Variants in GALNT17 observed in about 807,000 individuals in gnomAD.
The protein encoded by GALNT17 is polypeptide N-acetylgalactosaminyltransferase 17, also known as UDP-GalNAc:polypeptide N-acetylgalactosaminyltransferase-like 3.
A neutral mutation model predicts 63.7 loss-of-function variants in GALNT17; 29 were observed. The ratio of observed to expected loss-of-function variants is 0.46; its 90% CI spans 0.34 to 0.62. The LOEUF (loss-of-function observed/expected upper bound fraction) is 0.62, where lower values mean the gene tolerates loss of function less well. GALNT17 is among the 20% of genes least tolerant of loss of function. GALNT17 has a pLI of 0.01. For missense variants in GALNT17, 603 were observed against 799.6 expected (o/e 0.75, Z 2.97); for synonymous variants, 305 against 318.3 (o/e 0.96, Z 0.45).
intron 6 of GALNT17, among the ~76,000 whole-genome samples, chr7:71,661,913 C>T (rs1462817698): frequency 6.6e-6 from 1 of 152,208 alleles, no homozygotes. Context: ...TGCCACCTGT[C>T]TGTTACACCA....
intron 2 of GALNT17, among the ~76,000 whole-genome samples, chr7:71,356,616 A>G (rs113582225): frequency 2.2e-4 from 33 of 152,282 alleles, no homozygotes; most frequent in African/African-American, 7.0e-4. Context: ...GAGAACTCAC[A>G]GAGTAGAGAA....
At chr7:71,417,857 A>G (rs886413924) in intron 4 of GALNT17, among the ~76,000 whole-genome samples, 1 of 152,066 alleles carries the variant, frequency 6.6e-6, no homozygotes, top group Non-Finnish European at 1.5e-5. Flanking sequence ...CATGTTACTC[A>G]TCCTGTCAAC....
intron 1 of GALNT17, among the ~76,000 whole-genome samples, chr7:71,318,560 C>T (rs751409987): frequency 6.6e-6 from 1 of 152,016 alleles, no homozygotes; most frequent in African/African-American, 2.4e-5. Flanking sequence ...GCTGGGACTA[C>T]AGGCATGCAC....
At chr7:71,635,882 T>C (rs1790522877) in intron 6 of GALNT17, among the ~76,000 whole-genome samples, 1 of 152,124 alleles carries the variant, frequency 6.6e-6, no homozygotes, top group Non-Finnish European at 1.5e-5. Context: ...CGACCAGAGG[T>C]CACTCTCGTC....
intron 5 of GALNT17, among the ~76,000 whole-genome samples, chr7:71,521,571 G>C (rs1194990744): frequency 3.9e-5 from 6 of 152,234 alleles, no homozygotes; most frequent in Non-Finnish European, 8.8e-5. Flanking sequence ...GGACTGCAGT[G>C]AAATCAGATC....
At chr7:71,643,997 T>C (rs1199424380) in intron 6 of GALNT17, among the ~76,000 whole-genome samples, 1 of 152,168 alleles carries the variant, frequency 6.6e-6, no homozygotes, top group Non-Finnish European at 1.5e-5. Flanking sequence ...GAAAAATGAA[T>C]TGTTTTCTGG....
At chr7:71,429,209 G>A (rs1289573101) in intron 5 of GALNT17, among the ~76,000 whole-genome samples, 1 of 152,146 alleles carries the variant, frequency 6.6e-6, no homozygotes, top group Non-Finnish European at 1.5e-5. Context: ...AGGGAGAAGG[G>A]GAAAGTCTGA....
At chr7:71,487,426 C>A (rs1335656215) in intron 5 of GALNT17, among the ~76,000 whole-genome samples, 3 of 152,054 alleles carry the variant, frequency 2.0e-5, no homozygotes, top group African/African-American at 7.2e-5. Flanking sequence ...GAGACAGGCA[C>A]CAAAAAGTCC....
At chr7:71,599,724 C>G (rs906816381) in intron 6 of GALNT17, among the ~76,000 whole-genome samples, 4 of 151,840 alleles carry the variant, frequency 2.6e-5, no homozygotes, top group Non-Finnish European at 5.9e-5. Context: ...GATACCCCCC[C>G]CACCCCACCT....
At chr7:71,435,286 C>T (rs541950223) in intron 5 of GALNT17, among the ~76,000 whole-genome samples, 2 of 152,310 alleles carry the variant, frequency 1.3e-5, no homozygotes, top group East Asian at 3.9e-4. Context: ...AACCTTTAAC[C>T]TGTCCTTGTT....
At chr7:71,691,284 G>A (rs902751334) in intron 9 of GALNT17, among the ~76,000 whole-genome samples, 2 of 152,140 alleles carry the variant, frequency 1.3e-5, no homozygotes, top group African/African-American at 4.8e-5. Context: ...ATGATCACTA[G>A]TATTTTTAGC....
At chr7:71,439,736 T>C (rs1216811156) in intron 5 of GALNT17, among the ~76,000 whole-genome samples, 1 of 152,220 alleles carries the variant, frequency 6.6e-6, no homozygotes, top group East Asian at 1.9e-4. Flanking sequence ...TCCTGAGTTA[T>C]TGCTGGACAT....
At chr7:71,202,995 C>T in intron 1 of GALNT17, among the ~76,000 whole-genome samples, 1 of 151,620 alleles carries the variant, frequency 6.6e-6, no homozygotes, top group Admixed American at 6.6e-5. Context: ...CACACGTGCA[C>T]ACACACACAC....
At chr7:71,361,800 GAGAGAGAC>G (rs1370334893) in intron 2 of GALNT17, among the ~76,000 whole-genome samples, 43 of 152,252 alleles carry the variant, frequency 2.8e-4, no homozygotes, top group African/African-American at 1.0e-3. Flanking sequence ...GAGAGAGAGA[GAGAGAGAC>G]AGAGAGAGAG....
intron 5 of GALNT17, among the ~76,000 whole-genome samples, chr7:71,546,503 AG>A (rs1272583754): frequency 6.6e-6 from 1 of 152,148 alleles, no homozygotes; most frequent in African/African-American, 2.4e-5. Context: ...AGAGACAGAC[AG>A]GTTTCCTTGT....
At chr7:71,274,701 C>A (rs1238856455) in intron 1 of GALNT17, among the ~76,000 whole-genome samples, 1 of 152,186 alleles carries the variant, frequency 6.6e-6, no homozygotes, top group East Asian at 1.9e-4. Flanking sequence ...TGCCCCCTGG[C>A]TGATTTTGGC....
chr7:71,503,919 C>G (rs1004295293), intron 5 of GALNT17, among the ~76,000 whole-genome samples: 1 of 151,946 alleles, frequency 6.6e-6, no homozygotes, highest in Non-Finnish European at 1.5e-5. Context: ...TACAGTGAAA[C>G]CCCGTCTCTA....
intron 1 of GALNT17, among the ~76,000 whole-genome samples, chr7:71,287,205 C>T (rs2115792333): frequency 6.6e-6 from 1 of 152,152 alleles, no homozygotes; most frequent in South Asian, 2.1e-4. Context: ...TCCTTTCACC[C>T]CAGCCTCTTG....
intron 6 of GALNT17, among the ~76,000 whole-genome samples, chr7:71,628,140 G>T (rs1790402288): frequency 6.6e-6 from 1 of 151,922 alleles, no homozygotes; most frequent in Non-Finnish European, 1.5e-5. Context: ...ACACTGATGT[G>T]GAGTGAAGGA....
Sources: allele counts gnomAD v4.1 joint callset (sites outside exome capture counted in the v4.1 genomes callset), GRCh38; gene constraint gnomAD v4.1.1; transcripts MANE v1.5; gene names NCBI Gene and HGNC (gene_info 2026-07-23, HGNC 2026-07-21).